DCDC2: variants seen among roughly 807,000 people sequenced by gnomAD.
DCDC2 encodes the protein doublecortin domain containing 2.
A neutral mutation model predicts 50.2 loss-of-function variants in DCDC2; 40 were observed. The observed-to-expected ratio is 0.80, with a 90% confidence interval of 0.62 to 1.04. The LOEUF (loss-of-function observed/expected upper bound fraction) is 1.04. Ranked by LOEUF, DCDC2 falls within the 50% of genes least tolerant of loss-of-function variation. The pLI is 0.00. For synonymous variants in DCDC2, 234 were observed against 210.6 expected (o/e 1.11, Z -0.96); for missense variants, 570 against 581.9 (o/e 0.98, Z 0.21).
chr6:24,281,145 C>A (rs368027249), intron 6 of DCDC2, among the ~76,000 whole-genome samples: 1 of 151,672 alleles, frequency 6.6e-6, no homozygotes, highest in African/African-American at 2.4e-5. Flanking sequence ...TAAAGACACT[C>A]GAAAAAGGGT....
intron 2 of DCDC2, among the ~76,000 whole-genome samples, chr6:24,320,533 T>C (rs531732231): frequency 6.7e-4 from 102 of 152,266 alleles, no homozygotes; most frequent in African/African-American, 2.4e-3. Flanking sequence ...GGTTTCACCA[T>C]GTTGGCCAGG....
upstream of DCDC2, among the ~76,000 whole-genome samples, chr6:24,358,512 T>TAAAAAAAAAAAAAAAAAAAA (rs966038766): frequency 1.3e-5 from 1 of 75,908 alleles, no homozygotes; most frequent in Admixed American, 1.9e-4. Flanking sequence ...TCTCTACAAT[T>TAAAAAAAAAAAAAAAAAAAA]AAAAAAAAAA....
intron 7 of DCDC2, among the ~76,000 whole-genome samples, chr6:24,230,803 C>G (rs1055412214): frequency 6.6e-6 from 1 of 152,198 alleles, no homozygotes; most frequent in Non-Finnish European, 1.5e-5. Flanking sequence ...AGCTTTTTCA[C>G]TAAAAGAACT....
chr6:24,220,870 A>AGAG (rs1554146303), intron 7 of DCDC2, among the ~76,000 whole-genome samples: 2 of 127,116 alleles, frequency 1.6e-5, no homozygotes, highest in South Asian at 2.6e-4. Context: ...GACAGAGAGC[A>AGAG]AGAGAGCGAG....
chr6:24,183,831 T>C (rs1581572680), intron 8 of DCDC2, among the ~76,000 whole-genome samples: 2 of 152,220 alleles, frequency 1.3e-5, no homozygotes, highest in South Asian at 2.1e-4. Context: ...CAATGTGGAA[T>C]GAGGCGAGAA....
intron 2 of DCDC2, among the ~76,000 whole-genome samples, chr6:24,326,461 G>T (rs1318675690): frequency 1.4e-4 from 2 of 13,840 alleles, no homozygotes; most frequent in African/African-American, 4.7e-4. Context: ...CATGTTAAGA[G>T]CTGGGTGACA....
At chr6:24,372,367 C>A in the DCDC2 span, among the ~76,000 whole-genome samples, 1 of 151,436 alleles carries the variant, frequency 6.6e-6, no homozygotes, top group Non-Finnish European at 1.5e-5. Context: ...TGTAGTGAGC[C>A]GAGATGGCGC....
At chr6:24,358,936 T>TATATATATTATATA (rs1561788593), upstream of DCDC2, among the ~76,000 whole-genome samples, 1 of 16,994 alleles carries the variant, frequency 5.9e-5, no homozygotes, top group African/African-American at 2.4e-4. Context: ...TATTATATAT[T>TATATATATTATATA]TTATATATTA....
chr6:24,196,219 T>C (rs909304210), intron 8 of DCDC2, among the ~76,000 whole-genome samples: 2 of 92,450 alleles, frequency 2.2e-5, no homozygotes, highest in African/African-American at 3.3e-5. Flanking sequence ...GGGTTAATAA[T>C]TGGCTTTTTT....
intron 4 of DCDC2, among the ~76,000 whole-genome samples, chr6:24,298,792 T>A (rs916746368): frequency 3.9e-5 from 6 of 152,204 alleles, no homozygotes; most frequent in African/African-American, 1.4e-4. Context: ...ACAGGCCCGT[T>A]CATAGACTTC....
chr6:24,266,055 T>C (rs1415181243), intron 7 of DCDC2, among the ~76,000 whole-genome samples: 1 of 151,942 alleles, frequency 6.6e-6, no homozygotes, highest in Non-Finnish European at 1.5e-5. Flanking sequence ...CTACAATAAA[T>C]TCATTTTTGA....
intron 7 of DCDC2, among the ~76,000 whole-genome samples, chr6:24,207,912 A>T (rs571019683): frequency 1.4e-4 from 21 of 152,336 alleles, no homozygotes; most frequent in African/African-American, 5.1e-4. Flanking sequence ...TTAATTCAAA[A>T]GAATCCTTGG....
chr6:24,262,204 A>G (rs1763027697), intron 7 of DCDC2, among the ~76,000 whole-genome samples: 1 of 149,540 alleles, frequency 6.7e-6, no homozygotes, highest in Non-Finnish European at 1.5e-5. Context: ...TAATTGTGAG[A>G]CTTTGCATTG....
intron 2 of DCDC2, among the ~76,000 whole-genome samples, chr6:24,329,597 GA>G (rs1355700077): frequency 1.3e-5 from 2 of 152,156 alleles, no homozygotes; most frequent in African/African-American, 4.8e-5. Flanking sequence ...ATTCCAAACA[GA>G]ATGGGGAATT....
intron 2 of DCDC2, among the ~76,000 whole-genome samples, chr6:24,312,637 G>C (rs1414608111): frequency 6.6e-6 from 1 of 152,080 alleles, no homozygotes; most frequent in Non-Finnish European, 1.5e-5. Flanking sequence ...GCTGTACCCA[G>C]TACACAGGCT....
In DCDC2 at chr6:24,357,948, C is replaced by G; in HGVS notation, c.-198G>C. 4.0e-6 allele frequency: 6 copies of G among 1,501,162 alleles called. No homozygotes were observed. The highest frequency in any genetic ancestry group is 5.3e-6 in the Non-Finnish European group (6 of 1,125,390). 93.0% of individuals were successfully genotyped at this position (1,501,162 alleles called of 1,614,324 possible). Reference sequence around the variant, plus strand: ...GGAGACACTAGGAGCTTGCAGGACTCGGAGTAGACGCTCAAGTTTTTCACC... The same window carrying G: ...GGAGACACTAGGAGCTTGCAGGACTGGGAGTAGACGCTCAAGTTTTTCACC... On this transcript the variant is annotated 5_prime_UTR_variant, in exon 1 of 10. Transcript: ENST00000378454.
At chr6:24,183,211 T>TTGG (rs1581572320) in intron 8 of DCDC2, among the ~76,000 whole-genome samples, 1 of 152,182 alleles carries the variant, frequency 6.6e-6, no homozygotes, top group East Asian at 1.9e-4. Context: ...TTGGACCTGG[T>TTGG]TGGTGGTGGT....
rs182335321 is a variant in DCDC2, at chr6:24,179,529, C to T, written c.1024-897G>A. On this transcript the variant is annotated intron_variant, in intron 8 of 9. Transcript: ENST00000378454. ...CGCCACTGCACTCCAGCCTGGGTGA[C>T]AGAGCAAGACACCATCTCAAAAAAA... Among the ~76,000 whole-genome samples the T allele has an allele frequency of 4.6e-3, 422 of 91,798 alleles. 3 individuals carry two copies. Among genetic ancestry groups the T allele is most frequent in the Admixed American group, 7.9e-3 (41 of 5,218 alleles). The allele number at this position is 91,798 out of a possible 152,430, so 60.2% of individuals were successfully genotyped here. A position where few individuals can be genotyped will look rare whatever the true frequency, so the allele number is the denominator to read the frequency against.
the DCDC2 span, among the ~76,000 whole-genome samples, chr6:24,365,438 C>A: frequency 6.6e-6 from 1 of 152,108 alleles, no homozygotes; most frequent in Non-Finnish European, 1.5e-5. Flanking sequence ...ATTACAGGTG[C>A]CTGGCACCAT....
Sources: allele counts gnomAD v4.1 joint callset (sites outside exome capture counted in the v4.1 genomes callset), GRCh38; gene constraint gnomAD v4.1.1; transcripts MANE v1.5; gene names NCBI Gene and HGNC (gene_info 2026-07-23, HGNC 2026-07-21).